Variants in GRK5 observed in about 807,000 individuals in gnomAD.
The protein encoded by GRK5 is G protein-coupled receptor kinase 5, also known as g protein-coupled receptor kinase GRK5.
GRK5 carries 40 observed loss-of-function variants against 78.4 expected under a neutral mutation model. That is an observed-to-expected ratio of 0.51 (90% CI 0.40 to 0.66). The LOEUF (loss-of-function observed/expected upper bound fraction) is 0.66, where lower values mean the gene tolerates loss of function less well. Among genes scored for constraint, GRK5 ranks in the 30% least tolerant of loss-of-function variants. The pLI is 0.00. For missense variants in GRK5, 598 were observed against 759.9 expected (o/e 0.79, Z 2.50); for synonymous variants, 289 against 296.8 (o/e 0.97, Z 0.27).
At chr10:119,375,078 C>G (rs963677957) in intron 2 of GRK5, among the ~76,000 whole-genome samples, 3 of 152,226 alleles carry the variant, frequency 2.0e-5, no homozygotes, top group African/African-American at 7.2e-5. Context: ...CTCGCCCCTT[C>G]ACGCCTCACC....
chr10:119,313,334 G>A (rs1850430394), intron 1 of GRK5, among the ~76,000 whole-genome samples: 1 of 151,766 alleles, frequency 6.6e-6, no homozygotes, highest in Admixed American at 6.6e-5. Context: ...CAGTGGTGGT[G>A]GTGATGGGGA....
At chr10:119,320,098 T>A (rs1850557861) in intron 1 of GRK5, among the ~76,000 whole-genome samples, 1 of 152,192 alleles carries the variant, frequency 6.6e-6, no homozygotes, top group Admixed American at 6.5e-5. Flanking sequence ...AGAACAAGCA[T>A]TCCTGGCAGA....
intron 4 of GRK5, among the ~76,000 whole-genome samples, chr10:119,408,113 A>G (rs1418586375): frequency 6.7e-6 from 1 of 148,388 alleles, no homozygotes; most frequent in Non-Finnish European, 1.5e-5. Flanking sequence ...TGGTGAGCCC[A>G]GATTGCATCA....
At position 119,455,140 on chromosome 10, in the gene GRK5, C is replaced by G. The variant is rs773916898; in HGVS notation, c.*73C>G. 1.6e-6 allele frequency: 2 copies of G among 1,227,722 alleles called. No homozygotes were observed. Among genetic ancestry groups the G allele is most frequent in the Non-Finnish European group, 2.4e-6 (2 of 832,376 alleles). The allele number at this position is 1,227,722 out of a possible 1,614,324, so 76.1% of individuals were successfully genotyped here. A position where few individuals can be genotyped will look rare whatever the true frequency, so the allele number is the denominator to read the frequency against. On this transcript the variant is annotated 3_prime_UTR_variant, in exon 16 of 16. Coordinates refer to ENST00000392870, the MANE Select transcript of GRK5 (RefSeq NM_005308.3). ...CTCCTTAGAAGTGGAAGTAGTGGAGCCCCTGCTCTGGTGGGGCTGCCAGGG... is the reference window on the plus strand; with the variant it reads ...CTCCTTAGAAGTGGAAGTAGTGGAGGCCCTGCTCTGGTGGGGCTGCCAGGG...
At chr10:119,325,584 G>A (rs538790863) in intron 1 of GRK5, among the ~76,000 whole-genome samples, 9 of 152,342 alleles carry the variant, frequency 5.9e-5, no homozygotes, top group Non-Finnish European at 1.0e-4. Flanking sequence ...AAGCGCCACT[G>A]TAAGGGTGGA....
chr10:119,370,959 C>T (rs572896566), intron 2 of GRK5, among the ~76,000 whole-genome samples: 1 of 139,628 alleles, frequency 7.2e-6, no homozygotes, highest in African/African-American at 2.6e-5. Flanking sequence ...TGGACACCCC[C>T]CTCCTTCCAC....
At chr10:119,325,366 A>T (rs551331730) in intron 1 of GRK5, among the ~76,000 whole-genome samples, 1 of 152,200 alleles carries the variant, frequency 6.6e-6, no homozygotes, top group East Asian at 1.9e-4. Flanking sequence ...GCTGGCTGGG[A>T]GAGGGCTGGA....
chr10:119,433,010 G>A (rs1256829682), intron 8 of GRK5, among the ~76,000 whole-genome samples: 3 of 152,216 alleles, frequency 2.0e-5, no homozygotes, highest in Admixed American at 2.0e-4. Context: ...GGCAGAGATT[G>A]CAGTGAGCTG....
intron 2 of GRK5, among the ~76,000 whole-genome samples, chr10:119,373,629 A>G (rs1025250417): frequency 1.3e-5 from 2 of 152,154 alleles, no homozygotes; most frequent in African/African-American, 4.8e-5. Flanking sequence ...CAGCATGAGA[A>G]CAGACTAATA....
In GRK5 at chr10:119,448,272, C is replaced by T. The variant is rs778372898; in HGVS notation, c.1404+12C>T. On this transcript the variant is annotated intron_variant, in intron 13 of 15. Transcript: ENST00000392870. ...CCTTCGTTCCAGACGTGAGTAGCCTCCCCCAGCCCCCAGCAGCTCCCTTCA... is the reference window on the plus strand; with the variant it reads ...CCTTCGTTCCAGACGTGAGTAGCCTTCCCCAGCCCCCAGCAGCTCCCTTCA... 5 of 1,579,246 alleles carry T rather than the reference C, an allele frequency of 3.2e-6. No individual in the cohort carries two copies. Among genetic ancestry groups the T allele is most frequent in the Middle Eastern group, 1.7e-4 (1 of 5,948 alleles).
chr10:119,211,262 A>C lies in GRK5; in HGVS notation c.52+3293A>C, dbSNP rs553513761. On this transcript the variant is annotated intron_variant, in intron 1 of 15. Coordinates refer to ENST00000392870, the MANE Select transcript of GRK5 (RefSeq NM_005308.3). The stretch of plus-strand genomic sequence containing the variant: ...AAAGAAAGAAGTTGAGACTGAATTC[A>C]TGGCAATTTATGGGAATGAGCTAAG... Among the ~76,000 whole-genome samples, 163 of 152,356 alleles carry C rather than the reference A, an allele frequency of 1.1e-3. 3 individuals carry two copies. Among genetic ancestry groups the C allele is most frequent in the Non-Finnish European group, 1.9e-4 (13 of 68,030 alleles).
chr10:119,396,589 G>T, intron 3 of GRK5, 106 bp from the exon 4 acceptor site: 1 of 865,768 alleles, frequency 1.2e-6, no homozygotes, highest in Non-Finnish European at 1.9e-6. Flanking sequence ...GAAGGGGGTT[G>T]GTCAGGTGGC....
At chr10:119,302,027 A>G (rs1464321788) in intron 1 of GRK5, among the ~76,000 whole-genome samples, 1 of 152,234 alleles carries the variant, frequency 6.6e-6, no homozygotes, top group African/African-American at 2.4e-5. Context: ...CAAGCAATGA[A>G]GGAACGCTGC....
Position 119,436,841 on chromosome 10 carries a change from G to A in GRK5, c.929G>A (p.Arg310Gln), listed in dbSNP as rs775799901. 5.7e-6 allele frequency: 9 copies of A among 1,592,656 alleles called. No individual in the cohort carries two copies. Among genetic ancestry groups the A allele is most frequent in the East Asian group, 2.2e-5 (1 of 44,544 alleles). ...EDLHRENTVY[R>Q]DLKPENILLD... The stretch of plus-strand genomic sequence containing the variant: ...CTCCACCGTGAGAACACCGTCTACC[G>A]GTGAGTGGAAGGCACCAAGGACTTC... The change falls in exon 9 of 16, where the codon CGA becomes CAA. Residue 310 changes from arginine (R) to glutamine (Q), a missense_variant and splice_region_variant. Transcript: ENST00000392870.
At chr10:119,424,297 G>T (rs1001639674) in intron 5 of GRK5, among the ~76,000 whole-genome samples, 10 of 152,094 alleles carry the variant, frequency 6.6e-5, no homozygotes, top group African/African-American at 2.2e-4. Flanking sequence ...CCTTCCCCAG[G>T]CTCCAAGTGC....
At chr10:119,213,663 T>C (rs1848524637) in intron 1 of GRK5, among the ~76,000 whole-genome samples, 1 of 152,188 alleles carries the variant, frequency 6.6e-6, no homozygotes, top group Admixed American at 6.6e-5. Flanking sequence ...GCAGAGATAA[T>C]GTCATTCCTT....
At chr10:119,293,167 T>G (rs1850014111) in intron 1 of GRK5, among the ~76,000 whole-genome samples, 1 of 152,230 alleles carries the variant, frequency 6.6e-6, no homozygotes, top group African/African-American at 2.4e-5. Context: ...TCTTTGAATC[T>G]TACCCCATTC....
In GRK5 at chr10:119,238,661, A is replaced by G. The variant is rs574823636; in HGVS notation, c.52+30692A>G. ...AGTGCCAGAGAGTCGAGCAAAGAGA[A>G]TATCACTTTTACTTAAAAGTGAACT... On this transcript the variant is annotated intron_variant, in intron 1 of 15. Transcript: ENST00000392870. This position sits in a 1 kb window ranked among gnomAD's most constrained non-coding sequence, Gnocchi z 4.7. Among the ~76,000 whole-genome samples, 15 of 152,324 alleles carry G rather than the reference A, an allele frequency of 9.8e-5. No homozygotes were observed. The highest frequency in any genetic ancestry group is 3.6e-4 in the African/African-American group (15 of 41,570).
intron 3 of GRK5, among the ~76,000 whole-genome samples, chr10:119,396,445 T>A (rs909387116): frequency 6.6e-6 from 1 of 152,248 alleles, no homozygotes; most frequent in Admixed American, 6.5e-5. Context: ...GGCTCCCTGC[T>A]GATTCTGATG....
Sources: allele counts gnomAD v4.1 joint callset (sites outside exome capture counted in the v4.1 genomes callset), GRCh38; gene constraint gnomAD v4.1.1; non-coding constraint Gnocchi (gnomAD v3.1); transcripts MANE v1.5; gene names NCBI Gene and HGNC (gene_info 2026-07-23, HGNC 2026-07-21).